The following ADK variants were observed in gnomAD, a reference collection of about 807,000 sequenced individuals.
ADK encodes the protein N6,N6-dimethyladenosine kinase.
ADK carries 24 observed loss-of-function variants against 44.7 expected under a neutral mutation model. The observed-to-expected ratio is 0.54, with a 90% CI of 0.39 to 0.76. The LOEUF (loss-of-function observed/expected upper bound fraction) is 0.76. Ranked by LOEUF, ADK falls within the 30% of genes least tolerant of loss-of-function variation. The pLI, the probability that ADK is intolerant of heterozygous loss-of-function variation, is 0.00. For synonymous variants in ADK, 128 were observed against 142.6 expected (o/e 0.90, Z 0.73); for missense variants, 321 against 425.1 (o/e 0.76, Z 2.15).
At chr10:74,160,770 ATTG>A (rs1841874768) in intron 1 of ADK, among the ~76,000 whole-genome samples, 2 of 103,232 alleles carry the variant, frequency 1.9e-5, no homozygotes, top group Admixed American at 2.1e-4. Flanking sequence ...GAGTGTAGGC[ATTG>A]TTCGTATATG....
At chr10:74,219,755 G>GCTCCT (rs1001022574) in intron 2 of ADK, among the ~76,000 whole-genome samples, 1 of 150,720 alleles carries the variant, frequency 6.6e-6, no homozygotes, top group African/African-American at 2.4e-5. Context: ...TGAACAACCT[G>GCTCCT]CTCCTGAATG....
intron 7 of ADK, among the ~76,000 whole-genome samples, chr10:74,563,858 G>A (rs1461979241): frequency 2.0e-5 from 3 of 151,996 alleles, no homozygotes; most frequent in Admixed American, 6.6e-5. Context: ...CATCTCTCTG[G>A]TGACTGCGTC....
intron 7 of ADK, among the ~76,000 whole-genome samples, chr10:74,568,812 C>T (rs963954797): frequency 1.3e-5 from 2 of 151,858 alleles, no homozygotes; most frequent in Non-Finnish European, 2.9e-5. Flanking sequence ...TTTTAGGGTA[C>T]ATGTGCACAA....
chr10:74,373,211 C>T (rs904096337), intron 4 of ADK, among the ~76,000 whole-genome samples: 15 of 151,746 alleles, frequency 9.9e-5, no homozygotes, highest in South Asian at 4.2e-4. Context: ...AAACTGCAAC[C>T]GTTAGAAGAC....
At chr10:74,154,338 G>A (rs1441205606) in intron 1 of ADK, among the ~76,000 whole-genome samples, 2 of 151,996 alleles carry the variant, frequency 1.3e-5, no homozygotes, top group East Asian at 1.9e-4. Context: ...GCACCATCTC[G>A]GCTCACTGCA....
intron 1 of ADK, among the ~76,000 whole-genome samples, chr10:74,179,043 CTT>C (rs1178265068): frequency 2.6e-5 from 4 of 152,136 alleles, no homozygotes; most frequent in Non-Finnish European, 5.9e-5. Context: ...TATAGTAACT[CTT>C]TTGCTTTCTT....
chr10:74,314,754 A>G lies in ADK; in HGVS notation c.273+9A>G. 6.3e-7 allele frequency: 1 copy of G among 1,591,384 alleles called. No individual in the cohort carries two copies. Among genetic ancestry groups the G allele is most frequent in the Non-Finnish European group, 8.6e-7 (1 of 1,159,974 alleles). ...CAATTAAAGTGGCTCAGGTTGGTTA[A>G]TTATTTTAAAAGTTAAAAGGATTCA... is the stretch of plus-strand genomic sequence containing the variant. On this transcript the variant is annotated intron_variant, in intron 4 of 10. Transcript: ENST00000539909.
intron 9 of ADK, among the ~76,000 whole-genome samples, chr10:74,639,750 C>G (rs1179420988): frequency 6.6e-6 from 1 of 152,088 alleles, no homozygotes; most frequent in African/African-American, 2.4e-5. Context: ...GCAGGAGAAT[C>G]GCTTGATCCC....
chr10:74,199,074 G>C (rs1355126382), intron 1 of ADK, among the ~76,000 whole-genome samples: 1 of 152,046 alleles, frequency 6.6e-6, no homozygotes. Context: ...AAATTTTTTG[G>C]ATACATAATA....
intron 4 of ADK, among the ~76,000 whole-genome samples, chr10:74,362,410 A>G (rs1214290829): frequency 6.6e-6 from 1 of 151,898 alleles, no homozygotes; most frequent in Non-Finnish European, 1.5e-5. Context: ...TTTTTAAAAA[A>G]GTTATTTGAG....
At chr10:74,395,229 T>C (rs1843467080) in intron 5 of ADK, among the ~76,000 whole-genome samples, 1 of 152,148 alleles carries the variant, frequency 6.6e-6, no homozygotes, top group Non-Finnish European at 1.5e-5. Context: ...TTCCTTTCTT[T>C]TTTTCCCTTT....
At chr10:74,298,003 A>G (rs1028151295) in intron 3 of ADK, among the ~76,000 whole-genome samples, 5 of 152,124 alleles carry the variant, frequency 3.3e-5, no homozygotes, top group Non-Finnish European at 7.4e-5. Context: ...TTACTAGGGC[A>G]TACCTATATG....
chr10:74,661,426 A>G (rs537367526), intron 9 of ADK: 47 of 223,370 alleles, frequency 2.1e-4, no homozygotes, highest in African/African-American at 1.1e-3. Flanking sequence ...CAGAGTCATC[A>G]TTTATAAAAT....
chr10:74,622,983 G>T (rs1426243970), intron 9 of ADK, among the ~76,000 whole-genome samples: 1 of 152,112 alleles, frequency 6.6e-6, no homozygotes, highest in East Asian at 1.9e-4. Flanking sequence ...CTCTAGCCTG[G>T]ACAACAAGAG....
chr10:74,280,067 A>T (rs1846864846), intron 3 of ADK, among the ~76,000 whole-genome samples: 1 of 152,040 alleles, frequency 6.6e-6, no homozygotes, highest in Non-Finnish European at 1.5e-5. Flanking sequence ...TTTCTGTAAA[A>T]TGTCTGTTCA....
chr10:74,668,876 G>T (rs933382385), intron 9 of ADK, among the ~76,000 whole-genome samples: 1 of 138,048 alleles, frequency 7.2e-6, no homozygotes. Flanking sequence ...CTACCCACCC[G>T]CCCCCCAAAA....
At chr10:74,666,385 A>G (rs1854957177) in intron 9 of ADK, among the ~76,000 whole-genome samples, 1 of 152,190 alleles carries the variant, frequency 6.6e-6, no homozygotes, top group South Asian at 2.1e-4. Flanking sequence ...CTGAATTGTT[A>G]GTGTTTGTTT....
chr10:74,601,715 T>C (rs1053124761), intron 9 of ADK, among the ~76,000 whole-genome samples: 1 of 151,966 alleles, frequency 6.6e-6, no homozygotes, highest in Non-Finnish European at 1.5e-5. Context: ...TTTTTAAATT[T>C]CAAACAAGAT....
intron 9 of ADK, among the ~76,000 whole-genome samples, chr10:74,664,737 G>A (rs539498770): frequency 1.3e-5 from 2 of 152,274 alleles, no homozygotes; most frequent in East Asian, 3.9e-4. Context: ...CAGCTACTCA[G>A]GAGGCTGAGG....
Sources: allele counts gnomAD v4.1 joint callset (sites outside exome capture counted in the v4.1 genomes callset), GRCh38; gene constraint gnomAD v4.1.1; transcripts MANE v1.5; gene names NCBI Gene and HGNC (gene_info 2026-07-23, HGNC 2026-07-21).